COLGALT2: variants seen among roughly 807,000 people sequenced by gnomAD.
The protein encoded by COLGALT2 is collagen beta(1-O)galactosyltransferase 2.
In COLGALT2, 49 loss-of-function variants were observed where a neutral mutation model predicts 73.4. That is an observed-to-expected ratio of 0.67 (90% confidence interval 0.53 to 0.85). The LOEUF is 0.85. COLGALT2 is among the 40% of genes least tolerant of loss of function. COLGALT2 has a pLI of 0.00. For missense variants in COLGALT2, 722 were observed against 790.2 expected (o/e 0.91, Z 1.03); for synonymous variants, 295 against 307.6 (o/e 0.96, Z 0.43).
intron 2 of COLGALT2, among the ~76,000 whole-genome samples, chr1:183,977,692 G>A (rs1671236889): frequency 6.6e-6 from 1 of 151,978 alleles, no homozygotes; most frequent in African/African-American, 2.4e-5. Context: ...AGGAGGTTGA[G>A]TGAGGAGTAT....
intron 1 of COLGALT2, among the ~76,000 whole-genome samples, chr1:184,019,188 T>C (rs1649098197): frequency 6.6e-6 from 1 of 152,188 alleles, no homozygotes; most frequent in African/African-American, 2.4e-5. Context: ...CGAAGTCCAC[T>C]GAGGTGAAAA....
chr1:184,011,186 T>C (rs948407713), intron 1 of COLGALT2, among the ~76,000 whole-genome samples: 20 of 152,188 alleles, frequency 1.3e-4, no homozygotes, highest in African/African-American at 4.8e-4. Flanking sequence ...CTTAGTACAT[T>C]TCCCTACCTA....
At chr1:184,029,352 G>A (rs1649431871) in intron 1 of COLGALT2, among the ~76,000 whole-genome samples, 1 of 152,226 alleles carries the variant, frequency 6.6e-6, no homozygotes, top group Admixed American at 6.5e-5. Context: ...AGCTTGCCAA[G>A]CCTGCTGGTT....
intron 1 of COLGALT2, among the ~76,000 whole-genome samples, chr1:184,022,835 T>C (rs537504632): frequency 2.0e-5 from 3 of 152,316 alleles, no homozygotes; most frequent in South Asian, 4.1e-4. Flanking sequence ...ATTAGGGCAT[T>C]TTATGCTTTC....
Position 183,940,792 on chromosome 1 carries a change from A to G in COLGALT2, c.1398-5T>C, listed in dbSNP as rs1670087423. ...ATCCTCTTCCTACCAATATAACTGT[A>G]AGGAAATGGCAGAGGAGAAAAATTC... On this transcript the variant is annotated splice_polypyrimidine_tract_variant and splice_region_variant and intron_variant, in intron 10 of 11. Coordinates refer to ENST00000361927, the MANE Select transcript of COLGALT2 (RefSeq NM_015101.4). 3 of 1,612,764 alleles carry G rather than the reference A, an allele frequency of 1.9e-6. No individual in the cohort carries two copies. Among genetic ancestry groups the G allele is most frequent in the Non-Finnish European group, 8.5e-7 (1 of 1,178,792 alleles).
chr1:183,968,935 T>C (rs1572645614), intron 5 of COLGALT2, among the ~76,000 whole-genome samples: 1 of 152,238 alleles, frequency 6.6e-6, no homozygotes, highest in East Asian at 1.9e-4. Context: ...TCTGTGACAG[T>C]TTCCTAATTA....
intron 1 of COLGALT2, among the ~76,000 whole-genome samples, chr1:184,022,340 A>G (rs1011468585): frequency 6.6e-6 from 1 of 152,226 alleles, no homozygotes; most frequent in Admixed American, 6.5e-5. Context: ...TGTGTCCTCC[A>G]AAGTTCATGT....
chr1:183,958,840 A>C (rs1410392060), intron 6 of COLGALT2, among the ~76,000 whole-genome samples: 5 of 151,662 alleles, frequency 3.3e-5, no homozygotes. Flanking sequence ...GGCATAAAAC[A>C]TACTGTTATA....
intron 1 of COLGALT2, among the ~76,000 whole-genome samples, chr1:184,014,977 G>A (rs1648953388): frequency 6.6e-6 from 1 of 152,120 alleles, no homozygotes; most frequent in Admixed American, 6.5e-5. Flanking sequence ...GCCCACTTGA[G>A]GGTGGAGGGA....
intron 1 of COLGALT2, among the ~76,000 whole-genome samples, chr1:183,982,061 G>A (rs1388044661): frequency 6.6e-6 from 1 of 152,272 alleles, no homozygotes; most frequent in Middle Eastern, 3.4e-3. Flanking sequence ...TGGCCAACTT[G>A]ATCTACTTTC....
chr1:184,021,561 C>T (rs1166015026), intron 1 of COLGALT2, among the ~76,000 whole-genome samples: 1 of 152,180 alleles, frequency 6.6e-6, no homozygotes. Context: ...AGGCCGTCGC[C>T]AGATGCCAGC....
At position 183,978,434 on chromosome 1, in the gene COLGALT2, T is replaced by C; in HGVS notation, c.350A>G (p.Glu117Gly). Residue 117 changes from glutamate to glycine, a missense_variant, in exon 2 of 12, where the codon GAG becomes GGG. By Grantham distance (98) the Glu-to-Gly change is moderately conservative. Transcript: ENST00000361927. Reference sequence around the variant, plus strand: ...CTCTGGTTCATCCATAGGCCTCCACTCCACATAGTGATAGAGTCTCTGTAC... The same window carrying C: ...CTCTGGTTCATCCATAGGCCTCCACCCCACATAGTGATAGAGTCTCTGTAC... ...KNVQRLYHYV[E>G]WRPMDEPESY... 1 of 1,608,572 alleles carries C rather than the reference T, an allele frequency of 6.2e-7. No homozygotes were observed. The highest frequency in any genetic ancestry group is 1.1e-5 in the South Asian group (1 of 90,886).
chr1:183,936,840 T>C lies in COLGALT2; in HGVS notation c.*1921A>G. 1 of 1,231,706 alleles carries C rather than the reference T, an allele frequency of 8.1e-7. No homozygotes were observed. The highest frequency in any genetic ancestry group is 1.0e-6 in the Non-Finnish European group (1 of 987,966). 76.3% of individuals were successfully genotyped at this position (1,231,706 alleles called of 1,614,324 possible). ...CCTTTCCTCCAGCGGCCTAGCTTGCTGGTCAGTGTAGAAGGGTACCCACAG... is the reference window on the plus strand; with the variant it reads ...CCTTTCCTCCAGCGGCCTAGCTTGCCGGTCAGTGTAGAAGGGTACCCACAG... On this transcript the variant is annotated 3_prime_UTR_variant, in exon 12 of 12. Transcript: ENST00000361927.
At chr1:183,954,524 T>C (rs1237817300) in intron 7 of COLGALT2, among the ~76,000 whole-genome samples, 1 of 152,254 alleles carries the variant, frequency 6.6e-6, no homozygotes, top group African/African-American at 2.4e-5. Context: ...CTTTCATTAC[T>C]AAATGGTAAT....
intron 1 of COLGALT2, 77 bp from the exon 2 acceptor site, chr1:183,978,597 A>G: frequency 2.4e-6 from 2 of 818,810 alleles, no homozygotes; most frequent in Non-Finnish European, 3.9e-6. Context: ...ACCCCTGACT[A>G]ACTGAAAGAA....
chr1:184,006,602 AAATAAT>A (rs10691791), intron 1 of COLGALT2, among the ~76,000 whole-genome samples: 3 of 148,230 alleles, frequency 2.0e-5, no homozygotes, highest in African/African-American at 7.4e-5. Context: ...AATAAAAATA[AAATAAT>A]AATAATAATA....
At chr1:183,950,257 G>C (rs902101237) in intron 8 of COLGALT2, among the ~76,000 whole-genome samples, 2 of 152,100 alleles carry the variant, frequency 1.3e-5, no homozygotes, top group Admixed American at 6.5e-5. Context: ...TGATGTGAGT[G>C]TCCAGGTCAC....
In COLGALT2 at chr1:184,037,322, C is replaced by G. The variant is rs764575081; in HGVS notation, c.36G>C (p.Ser12=). 40 of 1,508,464 alleles carry G rather than the reference C, an allele frequency of 2.7e-5. No individual in the cohort carries two copies. The highest frequency in any genetic ancestry group is 1.8e-6 in the Non-Finnish European group (2 of 1,129,308). 93.4% of individuals were successfully genotyped at this position (1,508,464 alleles called of 1,614,324 possible). ...AARPAATLAW[S]LLLLSSALLR... is the part of the protein sequence containing the mutation. ...GCAGGGCTGAGGAGAGGAGCAGTAG[C>G]GACCAGGCGAGGGTGGCAGCAGGGC... The change falls in exon 1 of 12, where the codon TCG becomes TCC. Residue 12 remains serine, a synonymous_variant. Transcript: ENST00000361927.
intron 1 of COLGALT2, among the ~76,000 whole-genome samples, chr1:183,997,169 C>T (rs1436496258): frequency 6.6e-6 from 1 of 152,046 alleles, no homozygotes; most frequent in Non-Finnish European, 1.5e-5. Flanking sequence ...AGAAAAAAAC[C>T]ACATTTTGCT....
Sources: allele counts gnomAD v4.1 joint callset (sites outside exome capture counted in the v4.1 genomes callset), GRCh38; gene constraint gnomAD v4.1.1; transcripts MANE v1.5; gene names NCBI Gene and HGNC (gene_info 2026-07-23, HGNC 2026-07-21).